STAC: variants seen among roughly 807,000 people sequenced by gnomAD.
The protein encoded by STAC is SH3 and cysteine rich domain, also known as SH3 and cysteine-rich domain-containing protein.
Under a neutral mutation model 48.8 loss-of-function variants are expected in STAC, and 43 were observed. The observed-to-expected ratio is 0.88, with a 90% confidence interval of 0.69 to 1.14. The LOEUF is 1.14. Ranked by LOEUF, STAC falls within the 50% of genes most tolerant of loss-of-function variation. The pLI, the probability that STAC is intolerant of heterozygous loss-of-function variation, is 0.00. For synonymous variants in STAC, 193 were observed against 179.5 expected, an observed-to-expected ratio of 1.07 and a Z score of -0.60; for missense variants, 497 against 504.0, an observed-to-expected ratio of 0.99 and a Z score of 0.13.
At chr3:36,541,956 T>C (rs1699337390) in intron 10 of STAC, among the ~76,000 whole-genome samples, 1 of 151,906 alleles carries the variant, frequency 6.6e-6, no homozygotes, top group South Asian at 2.1e-4. Flanking sequence ...GGAAGAAAAT[T>C]TGTCCAGCTT....
chr3:36,442,094 C>T (rs1002020886), intron 1 of STAC, among the ~76,000 whole-genome samples: 3 of 152,154 alleles, frequency 2.0e-5, no homozygotes, highest in African/African-American at 7.2e-5. Context: ...CACAGCAGAT[C>T]TCACCCCCAC....
Position 36,486,259 on chromosome 3 carries a change from C to T in STAC, c.687+10C>T, listed in dbSNP as rs1043316705. ...ACCTCACAGAACCTCTGTAATTATC[C>T]TCTTCCTTCCTCGGTTTGTCTGTGG... is the stretch of plus-strand genomic sequence containing the variant. On this transcript the variant is annotated intron_variant, in intron 5 of 10. Transcript: ENST00000273183. The T allele has an allele frequency of 6.2e-7, 1 of 1,609,306 alleles. No homozygotes were observed. The highest frequency in any genetic ancestry group is 8.5e-7 in the Non-Finnish European group (1 of 1,176,698).
At chr3:36,463,190 G>A (rs908848944) in intron 2 of STAC, among the ~76,000 whole-genome samples, 1 of 152,018 alleles carries the variant, frequency 6.6e-6, no homozygotes, top group South Asian at 2.1e-4. Context: ...AAGCTTTTTT[G>A]TTATATTGTG....
intron 6 of STAC, among the ~76,000 whole-genome samples, chr3:36,493,549 A>T (rs1038572617): frequency 2.6e-5 from 4 of 151,942 alleles, no homozygotes; most frequent in Admixed American, 2.6e-4. Flanking sequence ...CTTTTTGTGA[A>T]TACGTCATTT....
chr3:36,497,925 G>T (rs1291746899), intron 6 of STAC, among the ~76,000 whole-genome samples: 1 of 152,108 alleles, frequency 6.6e-6, no homozygotes, highest in African/African-American at 2.4e-5. Context: ...GCATTTGGCA[G>T]AAACAAATAT....
At chr3:36,414,781 T>A (rs907226386) in intron 1 of STAC, among the ~76,000 whole-genome samples, 1 of 152,178 alleles carries the variant, frequency 6.6e-6, no homozygotes, top group African/African-American at 2.4e-5. Context: ...TGTTCTGTTT[T>A]TTCCCCATCT....
intron 1 of STAC, among the ~76,000 whole-genome samples, chr3:36,406,596 T>C (rs183273742): frequency 6.6e-6 from 1 of 152,322 alleles, no homozygotes; most frequent in East Asian, 1.9e-4. Flanking sequence ...TACCAGCATG[T>C]GTTATAATGT....
At chr3:36,449,177 A>T (rs894923695) in intron 2 of STAC, among the ~76,000 whole-genome samples, 1 of 152,102 alleles carries the variant, frequency 6.6e-6, no homozygotes, top group Non-Finnish European at 1.5e-5. Context: ...GGGATAAACT[A>T]TGTGCTTGGA....
intron 1 of STAC, among the ~76,000 whole-genome samples, chr3:36,401,926 T>C (rs1700005611): frequency 6.6e-6 from 1 of 152,162 alleles, no homozygotes; most frequent in African/African-American, 2.4e-5. Flanking sequence ...TCACTTGGAC[T>C]TGCTGTGCAA....
chr3:36,398,517 AAG>A (rs1263196120), intron 1 of STAC, among the ~76,000 whole-genome samples: 1 of 39,658 alleles, frequency 2.5e-5, no homozygotes, highest in African/African-American at 9.6e-5. Flanking sequence ...GAGAAAAAGA[AAG>A]AGAGAGAAAG....
chr3:36,413,620 C>T (rs1374297841), intron 1 of STAC, among the ~76,000 whole-genome samples: 2 of 152,128 alleles, frequency 1.3e-5, no homozygotes, highest in Admixed American at 6.5e-5. Context: ...GGTCTTGACT[C>T]TTTATCCAAT....
At chr3:36,460,629 C>A (rs1334177896) in intron 2 of STAC, among the ~76,000 whole-genome samples, 3 of 150,378 alleles carry the variant, frequency 2.0e-5, no homozygotes, top group South Asian at 4.2e-4. Context: ...ATGCACAGGG[C>A]AGCCCTGCAC....
chr3:36,391,868 G>A (rs1699758129), intron 1 of STAC, among the ~76,000 whole-genome samples: 2 of 152,156 alleles, frequency 1.3e-5, no homozygotes, highest in Non-Finnish European at 2.9e-5. Flanking sequence ...AGGTCTGGAA[G>A]CAATTGAAGG....
chr3:36,474,293 G>A (rs991338168), intron 2 of STAC, among the ~76,000 whole-genome samples: 1 of 152,204 alleles, frequency 6.6e-6, no homozygotes, highest in Non-Finnish European at 1.5e-5. Context: ...GGCCAGGATA[G>A]TTGCAGCCCC....
rs1282893075 is a variant in STAC at position 36,398,669 on chromosome 3, G to GA, written c.111+17917dup. Reference sequence around the variant, plus strand: ...AAGAAAGAGAAAGAAAGGAAGGAAGGAAGGAAAGAAAGAAAGAAAGAAAAG... The same window carrying GA: ...AAGAAAGAGAAAGAAAGGAAGGAAGGAAAGGAAAGAAAGAAAGAAAGAAAAG... On this transcript the variant is annotated intron_variant, in intron 1 of 10. Transcript: ENST00000273183. 6.4e-5 allele frequency among the ~76,000 whole-genome samples: 9 copies of GA among 141,634 alleles called. No homozygotes were observed. In the East Asian group the frequency reaches 1.1e-3, roughly 17 times the overall value. The allele number at this position is 141,634 out of a possible 152,430, so 92.9% of individuals were successfully genotyped here. A position where few individuals can be genotyped will look rare whatever the true frequency, so the allele number is the denominator to read the frequency against.
chr3:36,542,252 T>C (rs1222701697), intron 10 of STAC, among the ~76,000 whole-genome samples: 1 of 152,226 alleles, frequency 6.6e-6, no homozygotes, highest in African/African-American at 2.4e-5. Flanking sequence ...TCCACCTATA[T>C]CTTAAATGAC....
chr3:36,483,075 C>T lies in STAC; in HGVS notation c.472C>T (p.Arg158Trp), dbSNP rs541117587. The change falls in exon 3 of 11, where the codon CGG becomes TGG. Residue 158 changes from arginine to tryptophan, a missense_variant. Coordinates refer to ENST00000273183, the MANE Select transcript of STAC (RefSeq NM_003149.3). ...GTGCACAGATGGCCTGGCACCCCAG[C>T]GGTGCATGGGCAAGCTGGTAAGGGC... ...HKCTDGLAPQ[R>W]CMGKLPKGFR... The T allele has an allele frequency of 3.9e-5, 63 of 1,613,572 alleles. No homozygotes were observed. Among genetic ancestry groups the T allele is most frequent in the Non-Finnish European group, 5.0e-5 (59 of 1,179,624 alleles).
intron 1 of STAC, among the ~76,000 whole-genome samples, chr3:36,429,354 G>A (rs1469082591): frequency 6.6e-6 from 1 of 152,116 alleles, no homozygotes; most frequent in Non-Finnish European, 1.5e-5. Flanking sequence ...TCCTTGTGCT[G>A]CCCCAGAGAA....
At chr3:36,415,624 G>T (rs140299053) in intron 1 of STAC, among the ~76,000 whole-genome samples, 3,538 of 152,258 alleles carry the variant, frequency 0.023, 61 homozygotes, top group East Asian at 0.026. Flanking sequence ...CCCACTGTCC[G>T]GCACCCACTG....
Sources: allele counts gnomAD v4.1 joint callset (sites outside exome capture counted in the v4.1 genomes callset), GRCh38; gene constraint gnomAD v4.1.1; transcripts MANE v1.5; gene names NCBI Gene and HGNC (gene_info 2026-07-23, HGNC 2026-07-21).